DUSP26: variants seen among roughly 807,000 people sequenced by gnomAD.
DUSP26 encodes the protein dual specificity protein phosphatase 26.
Under a neutral mutation model 20.0 loss-of-function variants are expected in DUSP26, and 12 were observed. That is an observed-to-expected ratio of 0.60 (90% CI 0.38 to 0.97). The LOEUF is 0.97. Ranked by LOEUF, DUSP26 falls within the 50% of genes least tolerant of loss-of-function variation. The pLI, the probability that DUSP26 is intolerant of heterozygous loss-of-function variation, is 0.00. For missense variants in DUSP26, 230 were observed against 294.0 expected, an observed-to-expected ratio of 0.78 and a Z score of 1.59; for synonymous variants, 120 against 118.8, an observed-to-expected ratio of 1.01 and a Z score of -0.06.
intron 2 of DUSP26, among the ~76,000 whole-genome samples, chr8:33,596,274 C>G (rs1811142695): frequency 7.5e-6 from 1 of 133,228 alleles, no homozygotes; most frequent in Non-Finnish European, 1.6e-5. Flanking sequence ...ACAGTGAGAC[C>G]CTGTCTCAAA....
At chr8:33,596,662 A>G (rs879256667) in intron 2 of DUSP26, among the ~76,000 whole-genome samples, 1 of 152,178 alleles carries the variant, frequency 6.6e-6, no homozygotes, top group Non-Finnish European at 1.5e-5. Flanking sequence ...GAGGGAGAGA[A>G]GTGGGGATGG....
At chr8:33,595,376 G>T (rs1447787751) in intron 2 of DUSP26, among the ~76,000 whole-genome samples, 3 of 147,790 alleles carry the variant, frequency 2.0e-5, no homozygotes, top group South Asian at 4.3e-4. Context: ...TGTTGTTGTT[G>T]TTTGTTTTTT....
In DUSP26 at chr8:33,591,732, C is replaced by T. The variant is rs974808448; in HGVS notation, c.*281G>A. The T allele has an allele frequency of 4.5e-6, 2 of 447,800 alleles. No homozygotes were observed. Among genetic ancestry groups the T allele is most frequent in the Non-Finnish European group, 8.1e-6 (2 of 247,372 alleles). The allele number at this position is 447,800 out of a possible 1,614,324, so 27.7% of individuals were successfully genotyped here. ...TGTGAATCCCAGGGAGCACCCTGGC[C>T]AGATCCCAGCGGTGTTCGAATCCCA... is the stretch of plus-strand genomic sequence containing the variant. On this transcript the variant is annotated 3_prime_UTR_variant, in exon 4 of 4. Transcript: ENST00000256261.
Position 33,591,943 on chromosome 8 carries a change from G to T in DUSP26, c.*70C>A. ...CTGGGCCTCCTGCTACCTGCCACCTGGGCCTCCTATCTCCAGCTGGGAGCC... is the reference window on the plus strand; with the variant it reads ...CTGGGCCTCCTGCTACCTGCCACCTTGGCCTCCTATCTCCAGCTGGGAGCC... On this transcript the variant is annotated 3_prime_UTR_variant, in exon 4 of 4. Transcript: ENST00000256261. 1 of 1,578,410 alleles carries T rather than the reference G, an allele frequency of 6.3e-7. No homozygotes were observed. The highest frequency in any genetic ancestry group is 2.2e-5 in the East Asian group (1 of 44,456).
intron 1 of DUSP26, among the ~76,000 whole-genome samples, chr8:33,599,214 A>G (rs1036742730): frequency 6.6e-6 from 1 of 152,086 alleles, no homozygotes; most frequent in Admixed American, 6.5e-5. Context: ...TAAAGACCCC[A>G]TTACTGTATT....
chr8:33,595,376 GTTT>G (rs1039644684), intron 2 of DUSP26, among the ~76,000 whole-genome samples: 2 of 147,712 alleles, frequency 1.4e-5, no homozygotes, highest in African/African-American at 5.1e-5. Flanking sequence ...TGTTGTTGTT[GTTT>G]GTTTTTTTTT....
chr8:33,591,985 G>T lies in DUSP26; in HGVS notation c.*28C>A, dbSNP rs751396402. On this transcript the variant is annotated 3_prime_UTR_variant, in exon 4 of 4. Transcript: ENST00000256261. ...CTGGGAGCCAGGGACCTACCCACGG[G>T]CCTGGCCTGACCTCTCTCCCCCTCC... 1.2e-6 allele frequency: 2 copies of T among 1,609,926 alleles called. No individual in the cohort carries two copies. The highest frequency in any genetic ancestry group is 1.3e-5 in the African/African-American group (1 of 74,928).
Position 33,593,545 on chromosome 8 carries a change from T to C in DUSP26, c.424A>G (p.Ser142Gly). 6.2e-7 allele frequency: 1 copy of C among 1,613,190 alleles called. No homozygotes were observed. Among genetic ancestry groups the C allele is most frequent in the Non-Finnish European group, 8.5e-7 (1 of 1,179,196 alleles). ...TAADFIHRAL[S>G]QPGGKILVHC... ...ATTCCCCTCCTACCTCCTGGCTGGC[T>C]CAGCGCCCGGTGGATGAAGTCGGCA... The change falls in exon 3 of 4, where the codon AGC becomes GGC. Residue 142 changes from serine to glycine, a missense_variant. Physicochemically the swap from Ser to Gly is moderately conservative, Grantham distance 56. Coordinates refer to ENST00000256261, the MANE Select transcript of DUSP26 (RefSeq NM_024025.3).
At chr8:33,594,221 C>T (rs1349777543) in intron 2 of DUSP26, among the ~76,000 whole-genome samples, 2 of 152,024 alleles carry the variant, frequency 1.3e-5, no homozygotes, top group Admixed American at 6.6e-5. Flanking sequence ...TCCTGTGAGC[C>T]ATGGTTGAAG....
chr8:33,598,544 G>A, intron 1 of DUSP26, among the ~76,000 whole-genome samples: 1 of 151,942 alleles, frequency 6.6e-6, no homozygotes. Context: ...GGAAAAATGA[G>A]GGATCCTGCC....
Position 33,592,538 on chromosome 8 carries a change from C to CAAAAAAAAAAAA in DUSP26, c.437-338_437-327dup, listed in dbSNP as rs745687703. ...AGGCAACAAAAGTGAAACCCCATCT[C>CAAAAAAAAAAAA]AAAAAAAAAAAAAAAAAAAAAAAAA... On this transcript the variant is annotated intron_variant, in intron 3 of 3. Coordinates refer to ENST00000256261, the MANE Select transcript of DUSP26 (RefSeq NM_024025.3). 6.7e-4 allele frequency among the ~76,000 whole-genome samples: 16 copies of CAAAAAAAAAAAA among 23,768 alleles called. 1 individual carries two copies. Among genetic ancestry groups the CAAAAAAAAAAAA allele is most frequent in the African/African-American group, 2.7e-3 (16 of 5,868 alleles). The allele number at this position is 23,768 out of a possible 152,430, so 15.6% of individuals were successfully genotyped here. A position where few individuals can be genotyped will look rare whatever the true frequency, so the allele number is the denominator to read the frequency against.
chr8:33,597,558 G>GGA lies in DUSP26; in HGVS notation c.-44_-43insTC. 6.5e-7 allele frequency: 1 copy of GGA among 1,542,672 alleles called. No homozygotes were observed. ...CCGTGGCAGCTGCAGGAGTGGCTGT[G>GGA]GTGATGATGGGTTCAGTTGCCAGGT... is the stretch of plus-strand genomic sequence containing the variant. On this transcript the variant is annotated 5_prime_UTR_variant, in exon 2 of 4. Transcript: ENST00000256261.
In DUSP26 at chr8:33,593,770, G is replaced by A. The variant is rs1338692832; in HGVS notation, c.222-23C>T. The A allele has an allele frequency of 4.4e-6, 7 of 1,606,564 alleles. No individual in the cohort carries two copies. The African/African-American group carries it at 9.4e-5, about 21-fold the overall frequency. On this transcript the variant is annotated intron_variant, in intron 2 of 3. Coordinates refer to ENST00000256261, the MANE Select transcript of DUSP26 (RefSeq NM_024025.3). The stretch of plus-strand genomic sequence containing the variant: ...TCCCTGCATTGAGTAGAGGTTAGAG[G>A]AAGGGTGGGAAAGCCAGGTTGTTGG...
chr8:33,593,499 C>T (rs995253444), intron 3 of DUSP26, 34 bp downstream of exon 3: 1 of 1,596,814 alleles, frequency 6.3e-7, no homozygotes, highest in Non-Finnish European at 8.6e-7. Flanking sequence ...TCCAGGCACC[C>T]TGTTCTTTCC....
rs16881117 is a variant in DUSP26, at chr8:33,597,405, G to T, written c.111C>A (p.Thr37=). The stretch of plus-strand genomic sequence containing the variant: ...AGACATTGAGGAAAGGATGTTGAAC[G>T]GTTGGCATCTCCTCCAGGGTCCCTC... ...RTRGTLEEMP[T]VQHPFLNVFE... The change falls in exon 2 of 4, where the codon ACC becomes ACA. Residue 37 remains threonine (T), a synonymous_variant. Coordinates refer to ENST00000256261, the MANE Select transcript of DUSP26 (RefSeq NM_024025.3). The T allele has an allele frequency of 1.2e-6, 2 of 1,614,152 alleles. No homozygotes were observed.
At chr8:33,593,137 T>C (rs1359580507) in intron 3 of DUSP26, among the ~76,000 whole-genome samples, 1 of 152,148 alleles carries the variant, frequency 6.6e-6, no homozygotes, top group Admixed American at 6.5e-5. Context: ...CTGGATGTGG[T>C]GGCGGACACC....
intron 1 of DUSP26, among the ~76,000 whole-genome samples, chr8:33,599,282 G>C (rs1170443619): frequency 6.6e-6 from 1 of 152,140 alleles, no homozygotes; most frequent in Non-Finnish European, 1.5e-5. Flanking sequence ...AATGGGATGG[G>C]GGAAGCGTGA....
chr8:33,591,615 C>T lies in DUSP26; in HGVS notation c.*398G>A. ...CCATTGCATTCATGCTTGCCGTATC[C>T]CTGACTTTCTGCACAAGTGCAGGGC... On this transcript the variant is annotated 3_prime_UTR_variant, in exon 4 of 4. Coordinates refer to ENST00000256261, the MANE Select transcript of DUSP26 (RefSeq NM_024025.3). 1 of 233,652 alleles carries T rather than the reference C, an allele frequency of 4.3e-6. No homozygotes were observed. The highest frequency in any genetic ancestry group is 8.5e-6 in the Non-Finnish European group (1 of 117,714). 14.5% of individuals were successfully genotyped at this position (233,652 alleles called of 1,614,324 possible).
In DUSP26 at chr8:33,593,720, A is replaced by G; in HGVS notation, c.249T>C (p.Leu83=). The change falls in exon 3 of 4, where the codon CTT becomes CTC. Residue 83 remains leucine (L), a synonymous_variant. Coordinates refer to ENST00000256261, the MANE Select transcript of DUSP26 (RefSeq NM_024025.3). ...GGACGTGCGTGATGCCCAGGCGGCG[A>G]AGCTCCCGGCGGTTGTTAGCCATGT... ...DQDMANNRRE[L]RRLGITHVLN... is the part of the protein sequence containing the mutation. 1.2e-6 allele frequency: 2 copies of G among 1,614,162 alleles called. No individual in the cohort carries two copies. The highest frequency in any genetic ancestry group is 1.7e-6 in the Non-Finnish European group (2 of 1,180,026).
Sources: gnomAD v4.1 joint callset for allele counts (sites outside exome capture counted in the v4.1 genomes callset) on GRCh38, gnomAD v4.1.1 for gene constraint, MANE v1.5 for transcripts, NCBI Gene and HGNC (gene_info 2026-07-23, HGNC 2026-07-21) for gene names.